MACROD2: variants seen among roughly 807,000 people sequenced by gnomAD.
MACROD2 encodes mono-ADP ribosylhydrolase 2.
Under a neutral mutation model 70.4 loss-of-function variants are expected in MACROD2, and 36 were observed. The observed-to-expected ratio is 0.51, with a 90% CI of 0.39 to 0.68. The LOEUF is 0.68. Ranked by LOEUF, MACROD2 falls within the 30% of genes least tolerant of loss-of-function variation. The probability of loss-of-function intolerance (pLI) is 0.00; values close to 1 mark genes in which losing one functional copy is unlikely to be tolerated. For missense variants in MACROD2, 496 were observed against 538.4 expected (o/e 0.92, Z 0.78); for synonymous variants, 172 against 178.8 (o/e 0.96, Z 0.30).
chr20:14,164,852 C>G (rs2055243897), intron 3 of MACROD2, among the ~76,000 whole-genome samples: 1 of 152,164 alleles, frequency 6.6e-6, no homozygotes, highest in South Asian at 2.1e-4. Context: ...GTGGGAGCAA[C>G]TGTAAGCAGG....
At chr20:15,681,481 C>G (rs1036250901) in intron 8 of MACROD2, among the ~76,000 whole-genome samples, 1 of 152,104 alleles carries the variant, frequency 6.6e-6, no homozygotes, top group African/African-American at 2.4e-5. Flanking sequence ...TTGGTGAAGA[C>G]CAAATAAAAT....
chr20:14,955,676 A>T (rs1255211244), intron 5 of MACROD2, among the ~76,000 whole-genome samples: 4 of 151,914 alleles, frequency 2.6e-5, no homozygotes, highest in Non-Finnish European at 5.9e-5. Context: ...TTTGTCTTGT[A>T]GTTTCTAACT....
chr20:15,760,251 C>A (rs1015816963), intron 8 of MACROD2, among the ~76,000 whole-genome samples: 8 of 152,220 alleles, frequency 5.3e-5, no homozygotes, highest in Admixed American at 4.6e-4. Context: ...AAAGGCTTGA[C>A]AGCAGCTGCC....
chr20:14,707,673 G>T (rs1449514695), intron 5 of MACROD2, among the ~76,000 whole-genome samples: 1 of 152,010 alleles, frequency 6.6e-6, no homozygotes, highest in Non-Finnish European at 1.5e-5. Context: ...TTTTATTTTT[G>T]ACCAGAACCT....
At chr20:15,209,538 C>G (rs1475059802) in intron 5 of MACROD2, among the ~76,000 whole-genome samples, 1 of 152,136 alleles carries the variant, frequency 6.6e-6, no homozygotes, top group Admixed American at 6.5e-5. Flanking sequence ...TTGTACAATC[C>G]TAGTGTCTCT....
intron 3 of MACROD2, among the ~76,000 whole-genome samples, chr20:14,306,738 A>G (rs73092406): frequency 2.6e-5 from 4 of 152,202 alleles, no homozygotes; most frequent in Non-Finnish European, 5.9e-5. Context: ...AGAGGCTGAG[A>G]GCAAACAAGA....
intron 8 of MACROD2, among the ~76,000 whole-genome samples, chr20:15,723,538 G>A (rs74693239): frequency 0.042 from 6,448 of 152,248 alleles, 197 homozygotes; most frequent in East Asian, 0.14. Flanking sequence ...GAATCATACA[G>A]TAAGTAGCCT....
chr20:15,983,301 T>C (rs1461953807), intron 13 of MACROD2, among the ~76,000 whole-genome samples: 1 of 152,192 alleles, frequency 6.6e-6, no homozygotes, highest in African/African-American at 2.4e-5. Flanking sequence ...CGATGTCTTA[T>C]TTTTTGTTTT....
chr20:14,775,540 C>T (rs1406353284), intron 5 of MACROD2, among the ~76,000 whole-genome samples: 1 of 151,910 alleles, frequency 6.6e-6, no homozygotes, highest in Non-Finnish European at 1.5e-5. Flanking sequence ...AGAACTCACT[C>T]ATTACTGAGG....
chr20:15,797,700 T>A (rs1412498868), intron 8 of MACROD2, among the ~76,000 whole-genome samples: 1 of 152,212 alleles, frequency 6.6e-6, no homozygotes, highest in Non-Finnish European at 1.5e-5. Context: ...AGGGTTGGGA[T>A]GTTGCAGCCT....
intron 8 of MACROD2, among the ~76,000 whole-genome samples, chr20:15,792,247 A>G (rs542178821): frequency 9.2e-5 from 14 of 152,158 alleles, no homozygotes; most frequent in Non-Finnish European, 1.8e-4. Context: ...GAAAGTAAAA[A>G]TTAAACTATG....
At chr20:15,306,485 A>G (rs1339390596) in intron 6 of MACROD2, among the ~76,000 whole-genome samples, 1 of 152,176 alleles carries the variant, frequency 6.6e-6, no homozygotes, top group Non-Finnish European at 1.5e-5. Flanking sequence ...GTAGACAACT[A>G]ATTTGCCCAA....
chr20:15,614,802 C>CT (rs2049015936), intron 8 of MACROD2, among the ~76,000 whole-genome samples: 1 of 152,060 alleles, frequency 6.6e-6, no homozygotes, highest in African/African-American at 2.4e-5. Context: ...TGGGTGTTAA[C>CT]TTTTTTATTA....
At chr20:15,172,187 A>C (rs1250387800) in intron 5 of MACROD2, among the ~76,000 whole-genome samples, 1 of 152,176 alleles carries the variant, frequency 6.6e-6, no homozygotes, top group Non-Finnish European at 1.5e-5. Flanking sequence ...GGATCCCAAA[A>C]TGTGTACAAC....
At chr20:15,067,413 G>A (rs552238344) in intron 5 of MACROD2, among the ~76,000 whole-genome samples, 19 of 152,174 alleles carry the variant, frequency 1.2e-4, no homozygotes, top group African/African-American at 4.3e-4. Context: ...GCAGTGGTGC[G>A]ATCTAAGCTC....
chr20:14,659,900 A>G (rs16994782), intron 4 of MACROD2, among the ~76,000 whole-genome samples: 4,571 of 152,240 alleles, frequency 0.03, 107 homozygotes, highest in Non-Finnish European at 0.045. Context: ...ATTTTTGAAA[A>G]CAAACTAAAT....
chr20:14,019,976 G>A (rs2053050768), intron 2 of MACROD2, among the ~76,000 whole-genome samples: 1 of 152,102 alleles, frequency 6.6e-6, no homozygotes. Flanking sequence ...GTTTGGGGAG[G>A]CTATTATCAT....
chr20:14,576,636 G>A (rs1980619345), intron 4 of MACROD2, among the ~76,000 whole-genome samples: 1 of 152,156 alleles, frequency 6.6e-6, no homozygotes, highest in Non-Finnish European at 1.5e-5. Flanking sequence ...TGGATCCAAC[G>A]TAAATGTGTC....
At position 15,999,426 on chromosome 20, in the gene MACROD2, C is replaced by T. The variant is rs13042970; in HGVS notation, c.1153+12268C>T. 8.6e-3 allele frequency among the ~76,000 whole-genome samples: 1,302 copies of T among 152,136 alleles called. 8 individuals are homozygous for T. The highest frequency in any genetic ancestry group is 0.013 in the Non-Finnish European group (878 of 68,004). On this transcript the variant is annotated intron_variant, in intron 15 of 17. Transcript: ENST00000684519. ...TCTATCCTAGGGAATGTTCTGTGTG[C>T]GCTTGAAAAGAATATGTATTTTGCA...
Sources: allele counts gnomAD v4.1 joint callset (sites outside exome capture counted in the v4.1 genomes callset), GRCh38; gene constraint gnomAD v4.1.1; transcripts MANE v1.5; gene names NCBI Gene and HGNC (gene_info 2026-07-23, HGNC 2026-07-21).